Variants in AGPS observed in about 807,000 individuals in gnomAD.
AGPS encodes the protein alkyldihydroxyacetonephosphate synthase, peroxisomal.
In AGPS, 26 loss-of-function variants were observed where a neutral mutation model predicts 90.7. That is an observed-to-expected ratio of 0.29 (90% CI 0.21 to 0.40). AGPS has a LOEUF of 0.40. Ranked by LOEUF, AGPS falls within the 10% of genes least tolerant of loss-of-function variation. The probability of loss-of-function intolerance (pLI) is 1.00; values close to 1 mark genes in which losing one functional copy is unlikely to be tolerated. For synonymous variants in AGPS, 294 were observed against 285.3 expected (o/e 1.03, Z -0.31); for missense variants, 540 against 816.1 (o/e 0.66, Z 4.12).
At chr2:177,532,654 C>T (rs1019285442) in intron 19 of AGPS, among the ~76,000 whole-genome samples, 3 of 152,034 alleles carry the variant, frequency 2.0e-5, no homozygotes, top group Non-Finnish European at 4.4e-5. Flanking sequence ...ACATAAAAAC[C>T]TTAACATAAA....
intron 13 of AGPS, among the ~76,000 whole-genome samples, chr2:177,498,159 C>G (rs2105710382): frequency 6.6e-6 from 1 of 151,756 alleles, no homozygotes; most frequent in East Asian, 1.9e-4. Flanking sequence ...TCCTTGCATC[C>G]TTGTTATTCC....
At chr2:177,426,854 G>T (rs1686096095) in intron 2 of AGPS, among the ~76,000 whole-genome samples, 1 of 152,114 alleles carries the variant, frequency 6.6e-6, no homozygotes, top group African/African-American at 2.4e-5. Flanking sequence ...GTCTCTGCCA[G>T]GTTTTGGTAT....
intron 17 of AGPS, among the ~76,000 whole-genome samples, chr2:177,520,624 T>C (rs576063223): frequency 1.1e-4 from 16 of 152,284 alleles, no homozygotes; most frequent in South Asian, 6.2e-4. Context: ...AGTAATGGAG[T>C]TGTACTATTT....
intron 2 of AGPS, among the ~76,000 whole-genome samples, chr2:177,425,907 A>G (rs1278960950): frequency 1.3e-5 from 2 of 152,220 alleles, no homozygotes; most frequent in East Asian, 3.9e-4. Flanking sequence ...ATTTTAAAAT[A>G]GTTTTTTCTA....
chr2:177,465,520 G>A (rs978820988), intron 9 of AGPS, among the ~76,000 whole-genome samples: 1 of 152,162 alleles, frequency 6.6e-6, no homozygotes, highest in Non-Finnish European at 1.5e-5. Flanking sequence ...TCCCATGCTT[G>A]CCAACGGCGA....
At chr2:177,493,278 C>T in intron 12 of AGPS, 79 bp downstream of exon 12, 1 of 1,268,750 alleles carries the variant, frequency 7.9e-7, no homozygotes, top group East Asian at 2.3e-5. Flanking sequence ...GTACGGAGTG[C>T]AGAGGTAGAA....
rs145596445 is a variant in AGPS at position 177,398,680 on chromosome 2, TAAG to T, written c.260+5635_260+5637del. On this transcript the variant is annotated intron_variant, in intron 1 of 19. Coordinates refer to ENST00000264167, the MANE Select transcript of AGPS (RefSeq NM_003659.4). ...ATGATCAAATACTTTGTCATATAGT[TAAG>T]AAGGCATTAGTTTATGTTGTACTTA... is the stretch of plus-strand genomic sequence containing the variant. Among the ~76,000 whole-genome samples, 612 of 152,358 alleles carry T rather than the reference TAAG, an allele frequency of 4.0e-3. 5 individuals are homozygous for T. The highest frequency in any genetic ancestry group is 0.032 in the East Asian group (167 of 5,186).
intron 1 of AGPS, among the ~76,000 whole-genome samples, chr2:177,412,995 A>G (rs1437620383): frequency 6.6e-6 from 1 of 152,188 alleles, no homozygotes; most frequent in Non-Finnish European, 1.5e-5. Context: ...GGAAGTCAGC[A>G]TCAGCGGCGG....
At chr2:177,487,399 T>C (rs13007779) in intron 11 of AGPS, among the ~76,000 whole-genome samples, 132,862 of 152,098 alleles carry the variant, frequency 0.87, 58,177 homozygotes, top group East Asian at 0.98. Flanking sequence ...TACCTTTTGA[T>C]GGAGGGTAAT....
intron 19 of AGPS, among the ~76,000 whole-genome samples, chr2:177,532,823 T>C (rs1300671918): frequency 6.6e-6 from 1 of 152,136 alleles, no homozygotes; most frequent in African/African-American, 2.4e-5. Context: ...TATCGATACA[T>C]GCAACAACTT....
At chr2:177,423,619 A>G (rs1379664877) in intron 2 of AGPS, among the ~76,000 whole-genome samples, 1 of 152,224 alleles carries the variant, frequency 6.6e-6, no homozygotes, top group Non-Finnish European at 1.5e-5. Flanking sequence ...TCCAAAGAAC[A>G]TTGAAAAGGT....
At chr2:177,520,700 A>G (rs1689160633) in intron 17 of AGPS, among the ~76,000 whole-genome samples, 1 of 152,234 alleles carries the variant, frequency 6.6e-6, no homozygotes, top group Non-Finnish European at 1.5e-5. Flanking sequence ...TGTGCATAAA[A>G]TTTGTTAAAT....
intron 9 of AGPS, among the ~76,000 whole-genome samples, chr2:177,465,854 C>T (rs1687430185): frequency 6.6e-6 from 1 of 152,240 alleles, no homozygotes. Context: ...CTCTCGTTGC[C>T]CTCCATGGGG....
At chr2:177,430,761 T>G (rs1686219473) in intron 2 of AGPS, among the ~76,000 whole-genome samples, 1 of 152,124 alleles carries the variant, frequency 6.6e-6, no homozygotes, top group South Asian at 2.1e-4. Flanking sequence ...TTCTTCTCCA[T>G]GACAGCTGCG....
At chr2:177,505,693 A>G in intron 15 of AGPS, 118 bp downstream of exon 15, 1 of 893,104 alleles carries the variant, frequency 1.1e-6, no homozygotes, top group Middle Eastern at 3.0e-4. Context: ...ACTGTAATTT[A>G]GCATATCATT....
chr2:177,491,516 G>T (rs1176775034), intron 11 of AGPS, among the ~76,000 whole-genome samples: 1 of 149,520 alleles, frequency 6.7e-6, no homozygotes, highest in Admixed American at 6.7e-5. Context: ...ACCTCGGGCA[G>T]TCTGCCTCCC....
At chr2:177,515,492 C>T (rs1688996521) in intron 17 of AGPS, among the ~76,000 whole-genome samples, 1 of 150,910 alleles carries the variant, frequency 6.6e-6, no homozygotes, top group African/African-American at 2.4e-5. Flanking sequence ...CCCCCAAGTT[C>T]CTGTTCAACA....
intron 8 of AGPS, 95 bp downstream of exon 8, chr2:177,445,721 C>T (rs1370215504): frequency 6.1e-6 from 5 of 826,392 alleles, no homozygotes; most frequent in East Asian, 5.4e-5. Context: ...AACTGTATCC[C>T]CTCTATGAAT....
rs574756399 is a variant in AGPS, at chr2:177,405,676, T to G, written c.260+12627T>G. Among the ~76,000 whole-genome samples the G allele has an allele frequency of 4.0e-3, 603 of 151,366 alleles. 5 individuals carry two copies. Among genetic ancestry groups the G allele is most frequent in the East Asian group, 0.032 (165 of 5,130 alleles). The stretch of plus-strand genomic sequence containing the variant: ...CATGTTATTGCACTATTCTGTTGTT[T>G]TTTTTTTTTTTTCCCACCTTCCTGT... On this transcript the variant is annotated intron_variant, in intron 1 of 19. Coordinates refer to ENST00000264167, the MANE Select transcript of AGPS (RefSeq NM_003659.4).
Sources: gnomAD v4.1 joint callset for allele counts (sites outside exome capture counted in the v4.1 genomes callset) on GRCh38, gnomAD v4.1.1 for gene constraint, MANE v1.5 for transcripts, NCBI Gene and HGNC (gene_info 2026-07-23, HGNC 2026-07-21) for gene names.